RAB3C: variants seen among roughly 807,000 people sequenced by gnomAD.
RAB3C encodes the protein ras-related protein Rab-3C.
RAB3C carries 17 observed loss-of-function variants against 26.4 expected under a neutral mutation model. The observed-to-expected ratio is 0.64, with a 90% CI of 0.44 to 0.97. The LOEUF (loss-of-function observed/expected upper bound fraction) is 0.97, where lower values mean the gene tolerates loss of function less well. Among genes scored for constraint, RAB3C ranks in the 50% least tolerant of loss-of-function variants. The pLI is 0.00. For synonymous variants in RAB3C, 91 were observed against 95.9 expected, an observed-to-expected ratio of 0.95 and a Z score of 0.30; for missense variants, 242 against 281.9, an observed-to-expected ratio of 0.86 and a Z score of 1.01.
chr5:58,661,278 T>C (rs1427829310), intron 2 of RAB3C, among the ~76,000 whole-genome samples: 1 of 150,228 alleles, frequency 6.7e-6, no homozygotes, highest in Non-Finnish European at 1.5e-5. Context: ...TCAGGAATTA[T>C]AAATGACTGC....
intron 3 of RAB3C, among the ~76,000 whole-genome samples, chr5:58,787,879 G>C (rs560655980): frequency 6.6e-6 from 1 of 152,138 alleles, no homozygotes; most frequent in Admixed American, 6.5e-5. Context: ...TCCTGGGTGC[G>C]GAACACTCCC....
At chr5:58,708,818 A>G (rs1231065073) in intron 2 of RAB3C, among the ~76,000 whole-genome samples, 2 of 152,190 alleles carry the variant, frequency 1.3e-5, no homozygotes, top group East Asian at 3.9e-4. Flanking sequence ...TACTTGGTTT[A>G]TTTGTGAAGC....
At chr5:58,638,416 T>C (rs1031237165) in intron 2 of RAB3C, among the ~76,000 whole-genome samples, 6 of 152,206 alleles carry the variant, frequency 3.9e-5, no homozygotes, top group African/African-American at 1.4e-4. Flanking sequence ...ATTTTGTTTA[T>C]GGCATGTTTT....
chr5:58,835,087 C>G (rs180871955), intron 4 of RAB3C, among the ~76,000 whole-genome samples: 1 of 152,156 alleles, frequency 6.6e-6, no homozygotes, highest in Admixed American at 6.5e-5. Flanking sequence ...GTATGGTTAT[C>G]CAATCCATGA....
chr5:58,744,419 A>T (rs925062993), intron 3 of RAB3C, among the ~76,000 whole-genome samples: 1 of 152,246 alleles, frequency 6.6e-6, no homozygotes, highest in South Asian at 2.1e-4. Flanking sequence ...GGGTAAATAT[A>T]TCTGCAAACA....
intron 1 of RAB3C, among the ~76,000 whole-genome samples, chr5:58,590,703 C>A (rs1220284086): frequency 6.6e-6 from 1 of 152,018 alleles, no homozygotes; most frequent in Non-Finnish European, 1.5e-5. Flanking sequence ...CCACCACACC[C>A]AGCTAATTTT....
intron 2 of RAB3C, among the ~76,000 whole-genome samples, chr5:58,721,932 C>T (rs758700545): frequency 3.5e-4 from 52 of 150,662 alleles, no homozygotes; most frequent in Admixed American, 7.3e-4. Flanking sequence ...CTGAAAGCTT[C>T]TATTTTTTTT....
chr5:58,597,142 T>G (rs376034134), intron 1 of RAB3C, among the ~76,000 whole-genome samples: 2 of 69,278 alleles, frequency 2.9e-5, no homozygotes, highest in African/African-American at 1.2e-4. Flanking sequence ...TATAATAATA[T>G]ATACTACATA....
intron 1 of RAB3C, among the ~76,000 whole-genome samples, chr5:58,594,104 C>A (rs1746194450): frequency 6.6e-6 from 1 of 152,178 alleles, no homozygotes; most frequent in Non-Finnish European, 1.5e-5. Context: ...TTAACTCTAG[C>A]TCATCAAAGA....
chr5:58,618,108 T>TA (rs5868121), intron 2 of RAB3C, among the ~76,000 whole-genome samples: 43 of 150,420 alleles, frequency 2.9e-4, no homozygotes, highest in Middle Eastern at 3.4e-3. Context: ...GTCTTCAGAA[T>TA]AAAAAAAAAA....
chr5:58,760,081 T>C (rs541669755), intron 3 of RAB3C, among the ~76,000 whole-genome samples: 29 of 152,316 alleles, frequency 1.9e-4, no homozygotes, highest in Non-Finnish European at 2.9e-4. Flanking sequence ...CCTAGTTCCG[T>C]CCACCCTTAT....
chr5:58,680,198 A>G (rs891533705), intron 2 of RAB3C, among the ~76,000 whole-genome samples: 2 of 152,214 alleles, frequency 1.3e-5, no homozygotes, highest in African/African-American at 4.8e-5. Context: ...GAGATAACCC[A>G]TAAACAATAC....
chr5:58,695,846 T>G (rs554628848), intron 2 of RAB3C, among the ~76,000 whole-genome samples: 5 of 152,306 alleles, frequency 3.3e-5, no homozygotes, highest in African/African-American at 1.2e-4. Context: ...GTTTTCTAAA[T>G]ATATAATCAT....
At chr5:58,813,457 C>A in intron 3 of RAB3C, among the ~76,000 whole-genome samples, 2 of 151,872 alleles carry the variant, frequency 1.3e-5, no homozygotes, top group Admixed American at 1.3e-4. Flanking sequence ...TCTTTATGCA[C>A]GCTGCAGGTT....
At chr5:58,611,708 G>A (rs1236752244) in intron 1 of RAB3C, among the ~76,000 whole-genome samples, 1 of 151,918 alleles carries the variant, frequency 6.6e-6, no homozygotes, top group Non-Finnish European at 1.5e-5. Context: ...GGTAGTTTCT[G>A]TTGCTGTACA....
At chr5:58,632,240 G>C (rs765035706) in intron 2 of RAB3C, among the ~76,000 whole-genome samples, 18 of 152,192 alleles carry the variant, frequency 1.2e-4, no homozygotes, top group Non-Finnish European at 2.4e-4. Context: ...CAGAACCATT[G>C]TCTCCCAGAG....
At chr5:58,711,228 G>A (rs1424399707) in intron 2 of RAB3C, among the ~76,000 whole-genome samples, 2 of 152,182 alleles carry the variant, frequency 1.3e-5, no homozygotes, top group African/African-American at 4.8e-5. Flanking sequence ...GGAGTGGGAT[G>A]AGCAAGAAAC....
intron 3 of RAB3C, among the ~76,000 whole-genome samples, chr5:58,806,131 A>T (rs1742934532): frequency 6.6e-6 from 1 of 152,070 alleles, no homozygotes; most frequent in African/African-American, 2.4e-5. Context: ...TGACATTGAA[A>T]CCAGATTCCC....
chr5:58,612,205 G>A (rs1456147056), intron 1 of RAB3C, among the ~76,000 whole-genome samples: 1 of 151,684 alleles, frequency 6.6e-6, no homozygotes, highest in Non-Finnish European at 1.5e-5. Context: ...AGATTGCCTT[G>A]GCTATTCATG....
Sources: gnomAD v4.1 joint callset for allele counts (sites outside exome capture counted in the v4.1 genomes callset) on GRCh38, gnomAD v4.1.1 for gene constraint, MANE v1.5 for transcripts, NCBI Gene and HGNC (gene_info 2026-07-23, HGNC 2026-07-21) for gene names.